Variants in TRIM36 observed in about 807,000 individuals in gnomAD.
The protein encoded by TRIM36 is E3 ubiquitin-protein ligase TRIM36.
Under a neutral mutation model 72.4 loss-of-function variants are expected in TRIM36, and 42 were observed. The observed-to-expected ratio is 0.58, with a 90% CI of 0.45 to 0.75. TRIM36 has a LOEUF of 0.75. Among genes scored for constraint, TRIM36 ranks in the 30% least tolerant of loss-of-function variants. The pLI is 0.00. For missense variants in TRIM36, 913 were observed against 857.1 expected (o/e 1.07, Z -0.81); for synonymous variants, 315 against 282.8 (o/e 1.11, Z -1.14).
Position 115,126,221 on chromosome 5 carries a change from T to A in TRIM36, c.*282A>T, listed in dbSNP as rs978243398. ...TGTCAGCAACACCAGCTGACAGAAA[T>A]AAATTAGATATCCTGTACATAAAGT... On this transcript the variant is annotated 3_prime_UTR_variant, in exon 10 of 10. Coordinates refer to ENST00000513154, the MANE Select transcript of TRIM36 (RefSeq NM_001300759.2). 6.7e-6 allele frequency: 2 copies of A among 299,704 alleles called. No individual in the cohort carries two copies. Among genetic ancestry groups the A allele is most frequent in the African/African-American group, 4.3e-5 (2 of 46,364 alleles). The allele number at this position is 299,704 out of a possible 1,614,324, so 18.6% of individuals were successfully genotyped here.
intron 5 of TRIM36, 55 bp from the exon 6 acceptor site, chr5:115,137,671 C>G: frequency 1.3e-6 from 2 of 1,488,868 alleles, no homozygotes; most frequent in Non-Finnish European, 1.8e-6. Context: ...ATAGCCTCTT[C>G]TGCTAAACCC....
At chr5:115,172,954 G>C (rs6594881), upstream of TRIM36, among the ~76,000 whole-genome samples, 64,876 of 152,080 alleles carry the variant, frequency 0.43, 15,915 homozygotes, top group African/African-American at 0.69. Flanking sequence ...ACATGTTATA[G>C]TTCTAAAACT....
At chr5:115,140,223 A>G (rs1251110232) in intron 5 of TRIM36, among the ~76,000 whole-genome samples, 4 of 152,210 alleles carry the variant, frequency 2.6e-5, no homozygotes, top group African/African-American at 4.8e-5. Flanking sequence ...TCTTCAAGTA[A>G]CAGTGTCATA....
At chr5:115,157,912 A>G (rs1754268229) in intron 2 of TRIM36, among the ~76,000 whole-genome samples, 1 of 152,184 alleles carries the variant, frequency 6.6e-6, no homozygotes, top group Non-Finnish European at 1.5e-5. Context: ...GAGCTAAGCT[A>G]TGAGGATGCA....
chr5:115,167,352 T>C (rs1201506056), intron 1 of TRIM36, among the ~76,000 whole-genome samples: 5 of 152,220 alleles, frequency 3.3e-5, no homozygotes, highest in African/African-American at 9.7e-5. Context: ...TCTTGGCAAT[T>C]AACATTTGAG....
chr5:115,144,457 T>C, intron 4 of TRIM36, 141 bp downstream of exon 4: 9 of 1,000,490 alleles, frequency 9.0e-6, no homozygotes, highest in Non-Finnish European at 1.3e-5. Flanking sequence ...CAACCTAATA[T>C]TAGTAGATCG....
At chr5:115,173,183 C>T (rs1026903445), upstream of TRIM36, among the ~76,000 whole-genome samples, 3 of 152,184 alleles carry the variant, frequency 2.0e-5, no homozygotes, top group African/African-American at 7.2e-5. Flanking sequence ...TTCCCAGTTC[C>T]TCAAGTTAAA....
At chr5:115,132,754 C>A (rs1752760157) in intron 8 of TRIM36, among the ~76,000 whole-genome samples, 2 of 152,070 alleles carry the variant, frequency 1.3e-5, no homozygotes, top group Non-Finnish European at 2.9e-5. Context: ...CAACTGTTAA[C>A]ACTTCCTCTC....
chr5:115,144,820 T>C, intron 3 of TRIM36, 76 bp from the exon 4 acceptor site: 2 of 1,480,694 alleles, frequency 1.4e-6, no homozygotes, highest in Non-Finnish European at 9.0e-7. Context: ...AATACAAAGA[T>C]TTGCCTTATA....
intron 1 of TRIM36, chr5:115,177,683 T>C (rs1334215901): frequency 2.5e-6 from 4 of 1,608,678 alleles, no homozygotes; most frequent in Non-Finnish European, 3.4e-6. Context: ...TACGTTGAAA[T>C]GGTTAGGAGC....
At chr5:115,177,468 A>C in intron 1 of TRIM36, 1 of 1,148,660 alleles carries the variant, frequency 8.7e-7, no homozygotes, top group South Asian at 2.4e-5. Flanking sequence ...TATTCTTTAC[A>C]TTACAAACCC....
chr5:115,147,753 C>T (rs559061499), intron 2 of TRIM36, among the ~76,000 whole-genome samples: 6 of 152,228 alleles, frequency 3.9e-5, no homozygotes, highest in African/African-American at 1.4e-4. Context: ...TACTTTTATA[C>T]ACCATATCCA....
At chr5:115,132,164 C>T (rs1443752962) in intron 8 of TRIM36, among the ~76,000 whole-genome samples, 2 of 149,102 alleles carry the variant, frequency 1.3e-5, no homozygotes, top group Admixed American at 1.4e-4. Flanking sequence ...TAGTGAGACC[C>T]CATCTCTCTC....
At chr5:115,140,540 C>G (rs544520022) in intron 5 of TRIM36, among the ~76,000 whole-genome samples, 2 of 152,136 alleles carry the variant, frequency 1.3e-5, no homozygotes, top group African/African-American at 4.8e-5. Context: ...AAGAACATTA[C>G]CAGTATCCCA....
rs568860998 is a variant in TRIM36 at position 115,169,794 on chromosome 5, G to C, written c.-160C>G. ...CGTGGCCAGCGGACCGACGCGGGGA[G>C]AAGTAAGCCGGGGCAGGCAAAAGCA... On this transcript the variant is annotated 5_prime_UTR_variant, in exon 1 of 10. Coordinates refer to ENST00000513154, the MANE Select transcript of TRIM36 (RefSeq NM_001300759.2). The C allele has an allele frequency of 9.8e-6, 13 of 1,324,226 alleles. No individual in the cohort carries two copies. The Admixed American group carries it at 2.9e-4, about 30-fold the overall frequency. The allele number at this position is 1,324,226 out of a possible 1,614,324, so 82.0% of individuals were successfully genotyped here.
At chr5:115,128,345 G>C (rs1467282882) in intron 9 of TRIM36, among the ~76,000 whole-genome samples, 1 of 135,716 alleles carries the variant, frequency 7.4e-6, no homozygotes, top group Non-Finnish European at 1.6e-5. Context: ...CTCCAGCCTG[G>C]GCAACAAAAG....
intron 3 of TRIM36, among the ~76,000 whole-genome samples, chr5:115,145,377 T>C (rs1753529985): frequency 6.6e-6 from 1 of 152,176 alleles, no homozygotes; most frequent in African/African-American, 2.4e-5. Flanking sequence ...TAACATAAAA[T>C]TTTATGTAAA....
Position 115,130,227 on chromosome 5 carries a change from G to C in TRIM36, c.1796+365C>G, listed in dbSNP as rs567326796. Among the ~76,000 whole-genome samples the C allele has an allele frequency of 1.1e-4, 16 of 152,278 alleles. 1 individual carries two copies. In the South Asian group the frequency reaches 3.3e-3, roughly 32 times the overall value. On this transcript the variant is annotated intron_variant, in intron 9 of 9. Coordinates refer to ENST00000513154, the MANE Select transcript of TRIM36 (RefSeq NM_001300759.2). The stretch of plus-strand genomic sequence containing the variant: ...TTATGGGAAAGTTTAAAGAAACTGT[G>C]TCCCATAAGAAAAGAACAACTTAAC...
exon 1 of TRIM36, chr5:115,179,979 C>A: frequency 6.2e-7 from 1 of 1,614,052 alleles, no homozygotes; most frequent in Non-Finnish European, 8.5e-7. Flanking sequence ...ACTTACCTTG[C>A]CTTTAGCTAT....
Sources: allele counts gnomAD v4.1 joint callset (sites outside exome capture counted in the v4.1 genomes callset), GRCh38; gene constraint gnomAD v4.1.1; transcripts MANE v1.5; gene names NCBI Gene and HGNC (gene_info 2026-07-23, HGNC 2026-07-21).